Variants in PPP3CA observed in about 807,000 individuals in gnomAD.
PPP3CA encodes protein phosphatase 3 catalytic subunit alpha, also known as CAM-PRP catalytic subunit.
Under a neutral mutation model 66.5 loss-of-function variants are expected in PPP3CA, and 14 were observed. The observed-to-expected ratio is 0.21, with a 90% confidence interval of 0.14 to 0.33. The LOEUF is 0.33. PPP3CA is among the 10% of genes least tolerant of loss of function. The pLI, the probability that PPP3CA is intolerant of heterozygous loss-of-function variation, is 1.00. For synonymous variants in PPP3CA, 232 were observed against 226.2 expected (o/e 1.03, Z -0.23); for missense variants, 317 against 639.5 (o/e 0.50, Z 5.44).
At position 101,267,404 on chromosome 4, in the gene PPP3CA, ATACTTGGGAT is replaced by A. The variant is rs1727201779; in HGVS notation, c.59-71298_59-71289del. ...TATGATACGCTAGGAATTGTGTTAT[ATACTTGGGAT>A]TACAATGTCCTTGTAGTTCAGGTAC... On this transcript the variant is annotated intron_variant, in intron 1 of 13. Transcript: ENST00000394854. Among the ~76,000 whole-genome samples the A allele has an allele frequency of 2.0e-5, 3 of 152,320 alleles. No homozygotes were observed. In the South Asian group the frequency reaches 6.2e-4, roughly 32 times the overall value.
chr4:101,167,118 G>A (rs900958585), intron 2 of PPP3CA, among the ~76,000 whole-genome samples: 1 of 152,160 alleles, frequency 6.6e-6, no homozygotes, highest in South Asian at 2.1e-4. Context: ...AGGAAGTGGT[G>A]AGACAAATAC....
chr4:101,144,756 T>G (rs1420700962), intron 2 of PPP3CA, among the ~76,000 whole-genome samples: 1 of 152,192 alleles, frequency 6.6e-6, no homozygotes, highest in Non-Finnish European at 1.5e-5. Flanking sequence ...TGATATTCTA[T>G]TTAGTCCACT....
intron 1 of PPP3CA, among the ~76,000 whole-genome samples, chr4:101,323,906 C>G (rs981830605): frequency 6.6e-6 from 1 of 152,008 alleles, no homozygotes; most frequent in Non-Finnish European, 1.5e-5. Flanking sequence ...GTCAGGAGTT[C>G]AAGATCAGCC....
chr4:101,255,121 G>A (rs1386709848), intron 1 of PPP3CA, among the ~76,000 whole-genome samples: 1 of 147,944 alleles, frequency 6.8e-6, no homozygotes, highest in Non-Finnish European at 1.5e-5. Context: ...TTTTTTCTTT[G>A]AGGAAACAGA....
intron 1 of PPP3CA, among the ~76,000 whole-genome samples, chr4:101,291,161 C>T (rs1398084458): frequency 6.6e-6 from 1 of 152,032 alleles, no homozygotes; most frequent in Non-Finnish European, 1.5e-5. Context: ...AGTTACTTAG[C>T]GTAATTAGAA....
intron 10 of PPP3CA, among the ~76,000 whole-genome samples, chr4:101,052,619 GAGA>G (rs1453847007): frequency 6.6e-6 from 1 of 151,652 alleles, no homozygotes; most frequent in Non-Finnish European, 1.5e-5. Context: ...AAAAAAGCCT[GAGA>G]AGAATTTAGT....
chr4:101,030,168 T>C (rs1726877983), intron 12 of PPP3CA, among the ~76,000 whole-genome samples: 1 of 152,160 alleles, frequency 6.6e-6, no homozygotes, highest in South Asian at 2.1e-4. Flanking sequence ...GATTAGTTTA[T>C]ACTTCCCTAA....
At chr4:101,299,116 T>C (rs1039905150) in intron 1 of PPP3CA, among the ~76,000 whole-genome samples, 2 of 143,970 alleles carry the variant, frequency 1.4e-5, no homozygotes, top group Admixed American at 6.9e-5. Flanking sequence ...GTTTTTTTTT[T>C]TTTTTTTTTT....
At chr4:101,157,888 A>AAAAC (rs1208982939) in intron 2 of PPP3CA, among the ~76,000 whole-genome samples, 1 of 151,274 alleles carries the variant, frequency 6.6e-6, no homozygotes, top group African/African-American at 2.4e-5. Flanking sequence ...AAAAAAAAAA[A>AAAAC]ACCTCTCAGT....
chr4:101,057,973 G>T (rs1728298634), intron 10 of PPP3CA, among the ~76,000 whole-genome samples: 1 of 151,872 alleles, frequency 6.6e-6, no homozygotes, highest in African/African-American at 2.4e-5. Flanking sequence ...ATATACAAAA[G>T]AAATAAAACA....
At chr4:101,291,606 A>G (rs1728029394) in intron 1 of PPP3CA, among the ~76,000 whole-genome samples, 1 of 152,220 alleles carries the variant, frequency 6.6e-6, no homozygotes, top group African/African-American at 2.4e-5. Flanking sequence ...ACACTGACAA[A>G]CACTGAGAAT....
At chr4:101,158,309 CA>C (rs1173886835) in intron 2 of PPP3CA, 3 of 152,156 alleles carry the variant, frequency 2.0e-5, no homozygotes, top group Non-Finnish European at 2.9e-5. Context: ...GGAAGATCAG[CA>C]GCGAAGAAAG....
At chr4:101,333,259 T>C (rs555971012) in intron 1 of PPP3CA, among the ~76,000 whole-genome samples, 117 of 133,752 alleles carry the variant, frequency 8.7e-4, no homozygotes, top group South Asian at 4.2e-3. Flanking sequence ...AGGCATGCAC[T>C]ACCATGCCCA....
At chr4:101,250,163 T>C (rs999018703) in intron 1 of PPP3CA, among the ~76,000 whole-genome samples, 2 of 152,214 alleles carry the variant, frequency 1.3e-5, no homozygotes, top group African/African-American at 4.8e-5. Context: ...TAAATTAATC[T>C]AAGCCTTTTC....
intron 10 of PPP3CA, among the ~76,000 whole-genome samples, chr4:101,047,332 G>C (rs1306867072): frequency 6.6e-6 from 1 of 152,110 alleles, no homozygotes; most frequent in Non-Finnish European, 1.5e-5. Flanking sequence ...TTTTAGTCAT[G>C]TAGCTACAAA....
intron 1 of PPP3CA, among the ~76,000 whole-genome samples, chr4:101,307,668 G>T (rs1728590119): frequency 6.6e-6 from 1 of 152,142 alleles, no homozygotes. Context: ...ACAGTTTTTG[G>T]TGGAAATTTT....
chr4:101,124,389 G>A (rs1722129123), intron 2 of PPP3CA, among the ~76,000 whole-genome samples: 1 of 152,082 alleles, frequency 6.6e-6, no homozygotes, highest in Admixed American at 6.6e-5. Flanking sequence ...GGGAGGCCAA[G>A]GTGGAAAGAT....
intron 3 of PPP3CA, among the ~76,000 whole-genome samples, chr4:101,100,668 T>C (rs1337809793): frequency 2.6e-5 from 4 of 152,114 alleles, no homozygotes; most frequent in African/African-American, 7.2e-5. Context: ...AAATCAGGCT[T>C]TGAAAAACAA....
At chr4:101,199,606 C>A (rs1724907604) in intron 1 of PPP3CA, among the ~76,000 whole-genome samples, 1 of 152,128 alleles carries the variant, frequency 6.6e-6, no homozygotes. Context: ...ATTAATAAAA[C>A]AGCAAAGTAG....
Sources: allele counts gnomAD v4.1 joint callset (sites outside exome capture counted in the v4.1 genomes callset), GRCh38; gene constraint gnomAD v4.1.1; transcripts MANE v1.5; gene names NCBI Gene and HGNC (gene_info 2026-07-23, HGNC 2026-07-21).